The following SOCS5 variants were observed in gnomAD, a reference collection of about 807,000 sequenced individuals.
The protein encoded by SOCS5 is CIS-6.
Under a neutral mutation model 42.8 loss-of-function variants are expected in SOCS5, and 32 were observed. The ratio of observed to expected loss-of-function variants is 0.75; its 90% CI spans 0.56 to 1.01. The LOEUF (loss-of-function observed/expected upper bound fraction) is 1.01. SOCS5 is among the 50% of genes least tolerant of loss of function. The pLI is 0.00. For missense variants in SOCS5, 627 were observed against 653.0 expected (o/e 0.96, Z 0.43); for synonymous variants, 283 against 229.6 (o/e 1.23, Z -2.10).
intron 1 of SOCS5, among the ~76,000 whole-genome samples, chr2:46,704,406 T>TA (rs1336428636): frequency 6.6e-6 from 1 of 152,204 alleles, no homozygotes. Context: ...ATGGAAATGA[T>TA]ACGGGAACTG....
At chr2:46,707,980 T>C (rs1355208582) in intron 1 of SOCS5, among the ~76,000 whole-genome samples, 2 of 152,232 alleles carry the variant, frequency 1.3e-5, no homozygotes, top group Non-Finnish European at 2.9e-5. Context: ...GAATATCTTA[T>C]ATAATTTAAT....
chr2:46,736,684 A>G (rs1673253201), intron 1 of SOCS5, among the ~76,000 whole-genome samples: 1 of 152,154 alleles, frequency 6.6e-6, no homozygotes, highest in Non-Finnish European at 1.5e-5. Context: ...ATAATATTCC[A>G]TTACGTATGT....
Position 46,763,103 on chromosome 2 carries a change from A to G in SOCS5, c.*2962A>G, listed in dbSNP as rs1342754229. 6.0e-6 allele frequency: 1 copy of G among 167,076 alleles called. No homozygotes were observed. The highest frequency in any genetic ancestry group is 1.5e-5 in the Non-Finnish European group (1 of 68,110). 10.3% of individuals were successfully genotyped at this position (167,076 alleles called of 1,614,324 possible). A position where few individuals can be genotyped will look rare whatever the true frequency, so the allele number is the denominator to read the frequency against. On this transcript the variant is annotated 3_prime_UTR_variant, in exon 2 of 2. Coordinates refer to ENST00000394861, the MANE Select transcript of SOCS5 (RefSeq NM_144949.3). ...TAGCCTTGCTACTTTAGCCTTGTTT[A>G]TAATACAGTCACCTTACAAAGAGAA...
rs111288106 is a variant in SOCS5 at position 46,705,717 on chromosome 2, C to T, written c.-13+6268C>T. 4.6e-4 allele frequency among the ~76,000 whole-genome samples: 70 copies of T among 152,230 alleles called. 1 individual carries two copies. Among genetic ancestry groups the T allele is most frequent in the African/African-American group, 1.7e-3 (69 of 41,544 alleles). ...GGCTATTTACATGAGAACAGCAGTCCAACCCCATTATCCTTCAGGTGATCA... is the reference window on the plus strand; with the variant it reads ...GGCTATTTACATGAGAACAGCAGTCTAACCCCATTATCCTTCAGGTGATCA... On this transcript the variant is annotated intron_variant, in intron 1 of 1. Coordinates refer to ENST00000394861, the MANE Select transcript of SOCS5 (RefSeq NM_144949.3).
chr2:46,735,894 TAG>T (rs1673233669), intron 1 of SOCS5, among the ~76,000 whole-genome samples: 1 of 152,086 alleles, frequency 6.6e-6, no homozygotes, highest in African/African-American at 2.4e-5. Context: ...ACACAGAACA[TAG>T]AGTTATTTAA....
At chr2:46,727,144 C>CTTT (rs759203329) in intron 1 of SOCS5, among the ~76,000 whole-genome samples, 249 of 86,350 alleles carry the variant, frequency 2.9e-3, no homozygotes, top group East Asian at 6.5e-3. Context: ...TTGGAGCCTT[C>CTTT]TTTTTTTTTT....
At chr2:46,723,869 C>A (rs1037395186) in intron 1 of SOCS5, among the ~76,000 whole-genome samples, 2 of 152,024 alleles carry the variant, frequency 1.3e-5, no homozygotes, top group African/African-American at 4.8e-5. Context: ...GAATTGACAT[C>A]TTTACTGTGT....
chr2:46,762,322 T>G lies in SOCS5; in HGVS notation c.*2181T>G, dbSNP rs1333316273. The G allele has an allele frequency of 6.0e-6, 1 of 166,778 alleles. No homozygotes were observed. Among genetic ancestry groups the G allele is most frequent in the East Asian group, 1.9e-4 (1 of 5,206 alleles). 10.3% of individuals were successfully genotyped at this position (166,778 alleles called of 1,614,324 possible). On this transcript the variant is annotated 3_prime_UTR_variant, in exon 2 of 2. Coordinates refer to ENST00000394861, the MANE Select transcript of SOCS5 (RefSeq NM_144949.3). ...TCTTGAGAAAAAGAAAAGTTCATAC[T>G]GATTATTGGAAAAGGACTATATATG...
intron 1 of SOCS5, among the ~76,000 whole-genome samples, chr2:46,725,673 T>C (rs1440062849): frequency 6.6e-6 from 1 of 152,168 alleles, no homozygotes; most frequent in East Asian, 1.9e-4. Flanking sequence ...TTTTTTGTTT[T>C]TTGTTTTTTT....
chr2:46,713,469 T>G (rs946169614), intron 1 of SOCS5, among the ~76,000 whole-genome samples: 3 of 152,258 alleles, frequency 2.0e-5, no homozygotes, highest in Non-Finnish European at 4.4e-5. Context: ...TTATAAATTT[T>G]ATGAAACAAT....
rs138045584 is a variant in SOCS5 at position 46,751,846 on chromosome 2, A to G, written c.-12-6673A>G. Among the ~76,000 whole-genome samples, 65 of 152,300 alleles carry G rather than the reference A, an allele frequency of 4.3e-4. No homozygotes were observed. The East Asian group carries it at 0.012, about 27-fold the overall frequency. ...AATCTGGCCCACCACTGGTTGTTGT[A>G]TAGCCCACCATGAACTAAGAATGGA... On this transcript the variant is annotated intron_variant, in intron 1 of 1. Transcript: ENST00000394861.
intron 1 of SOCS5, among the ~76,000 whole-genome samples, chr2:46,734,546 G>A (rs551154225): frequency 1.3e-5 from 2 of 152,106 alleles, no homozygotes; most frequent in African/African-American, 2.4e-5. Flanking sequence ...AGCCATTACC[G>A]AAGTATACAT....
chr2:46,706,670 G>T (rs1161556388), intron 1 of SOCS5, among the ~76,000 whole-genome samples: 1 of 152,198 alleles, frequency 6.6e-6, no homozygotes, highest in Admixed American at 6.5e-5. Context: ...CAGAATAGGA[G>T]TCCAGAGACC....
At chr2:46,743,075 GT>G (rs1673413881) in intron 1 of SOCS5, among the ~76,000 whole-genome samples, 1 of 152,076 alleles carries the variant, frequency 6.6e-6, no homozygotes, top group African/African-American at 2.4e-5. Flanking sequence ...CCAAAGTATA[GT>G]TTTTTAGTTT....
intron 1 of SOCS5, among the ~76,000 whole-genome samples, chr2:46,751,486 C>A (rs1204766924): frequency 6.6e-6 from 1 of 151,388 alleles, no homozygotes; most frequent in African/African-American, 2.4e-5. Flanking sequence ...AGATTATGTA[C>A]AGGTTTTGCA....
chr2:46,744,518 A>C (rs574310441), intron 1 of SOCS5, among the ~76,000 whole-genome samples: 2 of 152,036 alleles, frequency 1.3e-5, no homozygotes, highest in Admixed American at 6.5e-5. Flanking sequence ...TTCTTTCAAA[A>C]TAATAAAGAC....
chr2:46,725,478 GT>G (rs1672970939), intron 1 of SOCS5, among the ~76,000 whole-genome samples: 1 of 151,882 alleles, frequency 6.6e-6, no homozygotes, highest in African/African-American at 2.4e-5. Flanking sequence ...TATTTAAACA[GT>G]TTTTAGTACT....
intron 1 of SOCS5, among the ~76,000 whole-genome samples, chr2:46,705,255 A>T (rs1398417630): frequency 1.3e-5 from 2 of 152,208 alleles, no homozygotes; most frequent in East Asian, 3.9e-4. Flanking sequence ...TCAGAAGCAC[A>T]GGTAAAATAA....
At position 46,758,547 on chromosome 2, in the gene SOCS5, A is replaced by G. The variant is rs367844323; in HGVS notation, c.17A>G (p.Lys6Arg). The G allele has an allele frequency of 6.1e-5, 97 of 1,588,268 alleles. No individual in the cohort carries two copies. Among genetic ancestry groups the G allele is most frequent in the Non-Finnish European group, 7.9e-5 (93 of 1,171,218 alleles). MDKVG[K>R]MWNNFKYRCQ... ...TTATAATCAATGGATAAAGTGGGAA[A>G]AATGTGGAATAACTTCAAATACAGG... Residue 6 changes from lysine to arginine, a missense_variant, in exon 2 of 2, where the codon AAA becomes AGA. Lys to Arg is a conservative substitution (Grantham distance 26). Coordinates refer to ENST00000394861, the MANE Select transcript of SOCS5 (RefSeq NM_144949.3).
Sources: allele counts gnomAD v4.1 joint callset (sites outside exome capture counted in the v4.1 genomes callset), GRCh38; gene constraint gnomAD v4.1.1; transcripts MANE v1.5; gene names NCBI Gene and HGNC (gene_info 2026-07-23, HGNC 2026-07-21).